The following CSMD3 variants were observed in gnomAD, a reference collection of about 807,000 sequenced individuals.
CSMD3 encodes the protein CUB and sushi domain-containing protein 3.
In CSMD3, 177 loss-of-function variants were observed where a neutral mutation model predicts 435.2. The ratio of observed to expected loss-of-function variants is 0.41; its 90% CI spans 0.36 to 0.46. The LOEUF (loss-of-function observed/expected upper bound fraction) is 0.46, where lower values mean the gene tolerates loss of function less well. Ranked by LOEUF, CSMD3 falls within the 20% of genes least tolerant of loss-of-function variation. The probability of loss-of-function intolerance (pLI) is 0.34; values close to 1 mark genes in which losing one functional copy is unlikely to be tolerated. For missense variants in CSMD3, 4,265 were observed against 4,504.6 expected (o/e 0.95, Z 1.52); for synonymous variants, 1,656 against 1,520.5 (o/e 1.09, Z -2.07).
chr8:112,276,088 A>G (rs546267623), intron 59 of CSMD3, among the ~76,000 whole-genome samples: 1 of 152,290 alleles, frequency 6.6e-6, no homozygotes, highest in African/African-American at 2.4e-5. Flanking sequence ...ATTGGATAAT[A>G]GCTGTTCCAA....
At chr8:112,559,583 T>G (rs1056078702) in intron 24 of CSMD3, among the ~76,000 whole-genome samples, 1 of 151,788 alleles carries the variant, frequency 6.6e-6, no homozygotes, top group South Asian at 2.1e-4. Context: ...TAAGAATCTA[T>G]CTGCATCCTG....
chr8:112,995,255 C>T (rs1032385531), intron 6 of CSMD3, among the ~76,000 whole-genome samples: 14 of 151,122 alleles, frequency 9.3e-5, no homozygotes, highest in Non-Finnish European at 1.9e-4. Flanking sequence ...TGAGAAGGGG[C>T]AATTCAGATT....
intron 2 of CSMD3, among the ~76,000 whole-genome samples, chr8:113,280,050 T>A (rs1461642674): frequency 6.6e-6 from 1 of 151,748 alleles, no homozygotes; most frequent in East Asian, 1.9e-4. Context: ...TTTTGGTATG[T>A]TTTTGGATTC....
chr8:112,469,453 T>G (rs754711183), intron 32 of CSMD3, among the ~76,000 whole-genome samples: 1 of 151,880 alleles, frequency 6.6e-6, no homozygotes, highest in Non-Finnish European at 1.5e-5. Context: ...ATGCACTGAG[T>G]GTATTTGACA....
intron 46 of CSMD3, among the ~76,000 whole-genome samples, 165 bp downstream of exon 46, chr8:112,319,736 C>T (rs1195763812): frequency 6.6e-6 from 1 of 152,140 alleles, no homozygotes; most frequent in Admixed American, 6.6e-5. Flanking sequence ...TAATCCCTTT[C>T]CTCTTTTCAC....
intron 53 of CSMD3, among the ~76,000 whole-genome samples, chr8:112,296,846 A>C (rs1460808043): frequency 6.6e-6 from 1 of 151,872 alleles, no homozygotes; most frequent in Non-Finnish European, 1.5e-5. Flanking sequence ...CTCTTAGCTA[A>C]CCCTATTAAC....
rs564515435 is a variant in CSMD3, at chr8:113,214,325, G to A, written c.515-40409C>T. Reference sequence around the variant, plus strand: ...TGTGTTTAAAGAGGATATAATTGTGGTGTGTATAATTGAGGAGCAGATATA... The same window carrying A: ...TGTGTTTAAAGAGGATATAATTGTGATGTGTATAATTGAGGAGCAGATATA... On this transcript the variant is annotated intron_variant, in intron 3 of 70. Transcript: ENST00000297405. Among the ~76,000 whole-genome samples, 118 of 152,026 alleles carry A rather than the reference G, an allele frequency of 7.8e-4. 1 individual carries two copies. Among genetic ancestry groups the A allele is most frequent in the African/African-American group, 2.7e-3 (114 of 41,526 alleles).
At chr8:112,568,503 G>A (rs1178547085) in intron 24 of CSMD3, among the ~76,000 whole-genome samples, 1 of 151,244 alleles carries the variant, frequency 6.6e-6, no homozygotes, top group East Asian at 1.9e-4. Flanking sequence ...GCTGAGGCAG[G>A]AGAATTGCTC....
chr8:112,305,347 A>G (rs1821323240), intron 51 of CSMD3, among the ~76,000 whole-genome samples: 1 of 152,118 alleles, frequency 6.6e-6, no homozygotes, highest in African/African-American at 2.4e-5. Flanking sequence ...TGAGAGTGCG[A>G]ACAACTTAAC....
At chr8:113,227,150 A>T (rs2093037684) in intron 3 of CSMD3, among the ~76,000 whole-genome samples, 1 of 151,606 alleles carries the variant, frequency 6.6e-6, no homozygotes, top group South Asian at 2.1e-4. Flanking sequence ...TTTATCAAAA[A>T]ATGGAAAAAA....
chr8:112,970,934 GA>G (rs1483436710), intron 7 of CSMD3, among the ~76,000 whole-genome samples: 3 of 151,790 alleles, frequency 2.0e-5, no homozygotes, highest in African/African-American at 7.3e-5. Context: ...TGTAAGCCAG[GA>G]TGGTCTCAAT....
At chr8:112,736,416 G>C (rs755667834) in intron 13 of CSMD3, among the ~76,000 whole-genome samples, 10 of 152,012 alleles carry the variant, frequency 6.6e-5, no homozygotes, top group Non-Finnish European at 1.5e-4. Flanking sequence ...ATGGGTTCCT[G>C]TTCTGGTTGC....
chr8:112,793,701 G>A (rs2078751384), intron 13 of CSMD3, among the ~76,000 whole-genome samples: 1 of 152,100 alleles, frequency 6.6e-6, no homozygotes, highest in South Asian at 2.1e-4. Context: ...GGAAATAGCT[G>A]GATTGGTTAC....
chr8:113,333,266 C>T (rs2094042133), intron 1 of CSMD3, among the ~76,000 whole-genome samples: 2 of 151,608 alleles, frequency 1.3e-5, no homozygotes, highest in African/African-American at 2.4e-5. Context: ...TATGACATAG[C>T]AAAAGTTTTT....
intron 30 of CSMD3, among the ~76,000 whole-genome samples, chr8:112,500,389 A>T (rs928599375): frequency 2.0e-5 from 3 of 152,312 alleles, no homozygotes; most frequent in South Asian, 2.1e-4. Context: ...AACCATTAAA[A>T]TTCCACCACC....
chr8:112,726,588 A>G (rs2076969541), intron 13 of CSMD3, among the ~76,000 whole-genome samples: 1 of 151,896 alleles, frequency 6.6e-6, no homozygotes, highest in African/African-American at 2.4e-5. Context: ...TAGTATACTC[A>G]GACCAGTGTT....
Position 113,132,449 on chromosome 8 carries a change from G to A in CSMD3, c.710-33486C>T, listed in dbSNP as rs760449465. 7.9e-5 allele frequency among the ~76,000 whole-genome samples: 12 copies of A among 151,814 alleles called. No homozygotes were observed. In the South Asian group the frequency reaches 1.0e-3, roughly 13 times the overall value. On this transcript the variant is annotated intron_variant, in intron 4 of 70. Transcript: ENST00000297405. ...TTGCTGTTGTCATAATAAGTGAGTC[G>A]TCAGGAGATCTGATGATTTAAAAGT...
At chr8:113,287,551 C>G (rs2093656037) in intron 2 of CSMD3, among the ~76,000 whole-genome samples, 1 of 151,896 alleles carries the variant, frequency 6.6e-6, no homozygotes, top group Non-Finnish European at 1.5e-5. Context: ...AGCAAATGAC[C>G]TGAAGCTTCT....
intron 39 of CSMD3, 32 bp from the exon 40 acceptor site, chr8:112,351,276 CAT>C: frequency 6.8e-7 from 1 of 1,460,726 alleles, no homozygotes; most frequent in Non-Finnish European, 9.6e-7. Context: ...GTTCAGTACA[CAT>C]ACATAAAAAG....
Sources: allele counts gnomAD v4.1 joint callset (sites outside exome capture counted in the v4.1 genomes callset), GRCh38; gene constraint gnomAD v4.1.1; transcripts MANE v1.5; gene names NCBI Gene and HGNC (gene_info 2026-07-23, HGNC 2026-07-21).